ARMC9: variants seen among roughly 807,000 people sequenced by gnomAD.
The protein encoded by ARMC9 is lisH domain-containing protein ARMC9.
In ARMC9, 94 loss-of-function variants were observed where a neutral mutation model predicts 107.0. That is an observed-to-expected ratio of 0.88 (90% confidence interval 0.74 to 1.04). The LOEUF (loss-of-function observed/expected upper bound fraction) is 1.04, where lower values mean the gene tolerates loss of function less well. Among genes scored for constraint, ARMC9 ranks in the 50% least tolerant of loss-of-function variants. The pLI is 0.00. For synonymous variants in ARMC9, 380 were observed against 396.9 expected (o/e 0.96, Z 0.51); for missense variants, 942 against 1,030.1 (o/e 0.91, Z 1.17).
At chr2:231,243,116 G>A (rs924745462) in intron 9 of ARMC9, among the ~76,000 whole-genome samples, 18 of 152,054 alleles carry the variant, frequency 1.2e-4, no homozygotes, top group Admixed American at 9.8e-4. Flanking sequence ...GCATGGTTGC[G>A]GGCACCTGTA....
At chr2:231,252,930 A>G (rs557452561) in intron 9 of ARMC9, among the ~76,000 whole-genome samples, 8 of 151,342 alleles carry the variant, frequency 5.3e-5, no homozygotes, top group South Asian at 2.1e-4. Context: ...GTGAACGGCT[A>G]TGCCCAGCTA....
At chr2:231,272,500 G>GT (rs370494368) in intron 13 of ARMC9, among the ~76,000 whole-genome samples, 1 of 147,492 alleles carries the variant, frequency 6.8e-6, no homozygotes, top group Non-Finnish European at 1.5e-5. Flanking sequence ...CAACCAGTAA[G>GT]TGTTTGTTTG....
At chr2:231,247,610 C>G (rs2036896368) in intron 9 of ARMC9, among the ~76,000 whole-genome samples, 1 of 152,236 alleles carries the variant, frequency 6.6e-6, no homozygotes, top group Non-Finnish European at 1.5e-5. Context: ...GTTGCATACC[C>G]AGACCAACCT....
Position 231,272,500 on chromosome 2 carries a change from GTGTTTGTTTGTT to G in ARMC9, c.1211-433_1211-422del, listed in dbSNP as rs61386916. ...GTGAGCCACCTTGCACAACCAGTAA[GTGTTTGTTTGTT>G]TGTTTGTTTGTTTGTTTGTTTTGAG... On this transcript the variant is annotated intron_variant, in intron 13 of 24. Coordinates refer to ENST00000611582, the MANE Select transcript of ARMC9 (RefSeq NM_001352754.2). 2.0e-4 allele frequency among the ~76,000 whole-genome samples: 30 copies of G among 147,610 alleles called. No individual in the cohort carries two copies. The South Asian group carries it at 5.4e-3, about 27-fold the overall frequency.
intron 20 of ARMC9, among the ~76,000 whole-genome samples, chr2:231,335,396 CAG>C (rs1387011715): frequency 6.6e-6 from 1 of 152,182 alleles, no homozygotes; most frequent in Admixed American, 6.5e-5. Context: ...GGGCGTCCGC[CAG>C]AGTGTTCGGG....
intron 1 of ARMC9, among the ~76,000 whole-genome samples, chr2:231,202,379 A>G (rs1198652884): frequency 7.3e-6 from 1 of 137,158 alleles, no homozygotes; most frequent in Non-Finnish European, 1.5e-5. Flanking sequence ...CTGGAGTGCC[A>G]TGGCGTGATC....
intron 9 of ARMC9, among the ~76,000 whole-genome samples, chr2:231,242,853 C>G (rs2036424940): frequency 6.6e-6 from 1 of 152,166 alleles, no homozygotes; most frequent in Admixed American, 6.5e-5. Flanking sequence ...TGGCGCACAC[C>G]TGTAATCCCA....
intron 9 of ARMC9, among the ~76,000 whole-genome samples, chr2:231,243,502 T>C (rs1016587763): frequency 2.0e-5 from 3 of 152,276 alleles, no homozygotes; most frequent in African/African-American, 7.2e-5. Flanking sequence ...CAAGAAGTTA[T>C]CAATACCATC....
chr2:231,234,852 C>T (rs1207946838), intron 7 of ARMC9, among the ~76,000 whole-genome samples: 1 of 152,232 alleles, frequency 6.6e-6, no homozygotes, highest in Non-Finnish European at 1.5e-5. Flanking sequence ...GTGATCTGCC[C>T]GCCTCGGCCT....
intron 23 of ARMC9, among the ~76,000 whole-genome samples, chr2:231,365,791 T>C (rs2045792672): frequency 6.6e-6 from 1 of 152,088 alleles, no homozygotes; most frequent in Admixed American, 6.5e-5. Context: ...TGGGGCTTCA[T>C]GTGTCGTTTC....
chr2:231,228,636 C>T (rs147675684), intron 7 of ARMC9, among the ~76,000 whole-genome samples: 2,926 of 152,282 alleles, frequency 0.019, 53 homozygotes, highest in South Asian at 0.038. Flanking sequence ...TCCTAAGGCC[C>T]CCTCACCTTC....
intron 21 of ARMC9, among the ~76,000 whole-genome samples, chr2:231,350,808 T>C (rs2599384): frequency 0.22 from 33,038 of 150,950 alleles, 4,248 homozygotes; most frequent in Middle Eastern, 0.3. Context: ...ATTCCAGCCA[T>C]GGGATCTAAG....
chr2:231,240,085 C>A (rs551935600), intron 9 of ARMC9, 44 bp downstream of exon 9: 2 of 1,467,972 alleles, frequency 1.4e-6, no homozygotes, highest in South Asian at 1.2e-5. Context: ...GTCTATCCCC[C>A]CAAATTTAAA....
chr2:231,245,121 G>A (rs1174616371), intron 9 of ARMC9, among the ~76,000 whole-genome samples: 3 of 152,332 alleles, frequency 2.0e-5, no homozygotes, highest in East Asian at 1.9e-4. Context: ...TCTTTGAGGC[G>A]AGAGCTGTCC....
chr2:231,256,983 T>C (rs1484849691), intron 10 of ARMC9, among the ~76,000 whole-genome samples: 1 of 152,114 alleles, frequency 6.6e-6, no homozygotes. Flanking sequence ...GCCCGGCTAA[T>C]TTTGTATTTT....
intron 19 of ARMC9, among the ~76,000 whole-genome samples, chr2:231,308,454 G>T (rs2042154722): frequency 6.6e-6 from 1 of 152,148 alleles, no homozygotes; most frequent in Non-Finnish European, 1.5e-5. Flanking sequence ...ATGGCAGAGG[G>T]TGCTCCTGGA....
intron 9 of ARMC9, among the ~76,000 whole-genome samples, chr2:231,249,421 C>T (rs2037083716): frequency 6.6e-6 from 1 of 152,084 alleles, no homozygotes; most frequent in African/African-American, 2.4e-5. Context: ...CCTTACACCT[C>T]CTGCTGGTTT....
At chr2:231,281,078 C>T (rs1234442598) in intron 16 of ARMC9, among the ~76,000 whole-genome samples, 1 of 152,154 alleles carries the variant, frequency 6.6e-6, no homozygotes. Flanking sequence ...CTGCCATGCT[C>T]CATGTCCCAT....
At chr2:231,267,728 C>A (rs926282053) in intron 12 of ARMC9, among the ~76,000 whole-genome samples, 1 of 152,168 alleles carries the variant, frequency 6.6e-6, no homozygotes, top group African/African-American at 2.4e-5. Flanking sequence ...TTAGGGTTAT[C>A]CAAATGCAGA....
Sources: gnomAD v4.1 joint callset for allele counts (sites outside exome capture counted in the v4.1 genomes callset) on GRCh38, gnomAD v4.1.1 for gene constraint, MANE v1.5 for transcripts, NCBI Gene and HGNC (gene_info 2026-07-23, HGNC 2026-07-21) for gene names.